Variants in ENOX2 observed in about 807,000 individuals in gnomAD.
ENOX2 encodes the protein APK1 antigen.
ENOX2 carries 36 observed loss-of-function variants against 45.0 expected under a neutral mutation model. That is an observed-to-expected ratio of 0.80 (90% CI 0.61 to 1.06). ENOX2 has a LOEUF of 1.06. ENOX2 is among the 50% of genes least tolerant of loss of function. The pLI, the probability that ENOX2 is intolerant of heterozygous loss-of-function variation, is 0.00. For synonymous variants in ENOX2, 174 were observed against 152.3 expected (o/e 1.14, Z -1.05); for missense variants, 423 against 462.5 (o/e 0.91, Z 0.78).
chrX:130,892,478 A>G (rs986839295), intron 2 of ENOX2, among the ~76,000 whole-genome samples: 1 of 111,991 alleles, frequency 8.9e-6, no homozygotes, highest in East Asian at 2.8e-4. Flanking sequence ...CTTTCCCCCA[A>G]TTCTTCAAGC....
chrX:130,779,403 T>C (rs2039924811), intron 3 of ENOX2, among the ~76,000 whole-genome samples: 1 of 112,252 alleles, frequency 8.9e-6, no homozygotes, highest in Non-Finnish European at 1.9e-5. Context: ...GTCTACTTCA[T>C]AGTTGAGGCA....
intron 10 of ENOX2, among the ~76,000 whole-genome samples, chrX:130,643,703 G>A (rs910871400): frequency 4.5e-5 from 5 of 111,881 alleles, no homozygotes; most frequent in Non-Finnish European, 9.4e-5. Context: ...TAACTGATAC[G>A]ACTGCAAGGA....
intron 2 of ENOX2, among the ~76,000 whole-genome samples, chrX:130,873,943 A>G (rs2078648713): frequency 9.0e-6 from 1 of 111,048 alleles, no homozygotes; most frequent in Non-Finnish European, 1.9e-5. Flanking sequence ...TACCTAATGT[A>G]GATGATGGAT....
At chrX:130,843,310 C>A (rs1299765211) in intron 2 of ENOX2, among the ~76,000 whole-genome samples, 1 of 111,341 alleles carries the variant, frequency 9.0e-6, no homozygotes, top group Non-Finnish European at 1.9e-5. Context: ...TCCTATCTCA[C>A]ATGTGAACCT....
rs184499286 is a variant in ENOX2 at position 130,861,434 on chromosome X, T to A, written c.-183+40250A>T. ...CCAACCACACCCTAGAACAATTATC[T>A]AGTCTTAAAAAGAAGGGAATCCCGG... On this transcript the variant is annotated intron_variant, in intron 2 of 14. Coordinates refer to ENST00000394363, the MANE Select transcript of ENOX2 (RefSeq NM_006375.4). Among the ~76,000 whole-genome samples, 748 of 111,463 alleles carry A rather than the reference T, an allele frequency of 6.7e-3. 9 individuals are homozygous for A. The highest frequency in any genetic ancestry group is 0.023 in the African/African-American group (701 of 30,686).
Position 130,822,311 on chromosome X carries a change from C to A in ENOX2, c.-182-38621G>T, listed in dbSNP as rs149711985. Among the ~76,000 whole-genome samples, 740 of 111,716 alleles carry A rather than the reference C, an allele frequency of 6.6e-3. 6 individuals carry two copies. Among genetic ancestry groups the A allele is most frequent in the African/African-American group, 0.023 (708 of 30,768 alleles). On this transcript the variant is annotated intron_variant, in intron 2 of 14. Coordinates refer to ENST00000394363, the MANE Select transcript of ENOX2 (RefSeq NM_006375.4). ...CTTCACAATAGTGCGAAAGCAACAT[C>A]GTTCAATAGAAATACTACTTCAAAT...
intron 2 of ENOX2, among the ~76,000 whole-genome samples, chrX:130,792,532 C>T (rs1017908670): frequency 2.7e-5 from 3 of 112,538 alleles, no homozygotes; most frequent in South Asian, 7.4e-4. Context: ...CAGTGGCTCA[C>T]GCCTGTAATC....
intron 2 of ENOX2, among the ~76,000 whole-genome samples, chrX:130,801,645 T>C (rs1342120721): frequency 1.8e-5 from 2 of 112,408 alleles, no homozygotes; most frequent in Non-Finnish European, 3.7e-5. Context: ...TTTTCAGTTT[T>C]ATTTTCTATA....
intron 12 of ENOX2, among the ~76,000 whole-genome samples, chrX:130,632,369 G>GT (rs1556405755): frequency 2.1e-5 from 1 of 47,252 alleles, no homozygotes; most frequent in Non-Finnish European, 3.9e-5. Context: ...AGGGGCGGGG[G>GT]GGGGGGGTGG....
In ENOX2 at chrX:130,674,684, T is replaced by C. The variant is rs764324123; in HGVS notation, c.461-4486A>G. ...GCACATTGTGCAGGTTAGTCACATA[T>C]GTATACATGTGCCATGCTGGTGCGC... On this transcript the variant is annotated intron_variant, in intron 6 of 14. Coordinates refer to ENST00000394363, the MANE Select transcript of ENOX2 (RefSeq NM_006375.4). 8.1e-3 allele frequency among the ~76,000 whole-genome samples: 886 copies of C among 109,791 alleles called. 12 individuals carry two copies. Among genetic ancestry groups the C allele is most frequent in the African/African-American group, 0.028 (840 of 30,058 alleles).
In ENOX2 at chrX:130,900,337, T is replaced by C. The variant is rs185500995; in HGVS notation, c.-183+1347A>G. 4.2e-4 allele frequency among the ~76,000 whole-genome samples: 47 copies of C among 112,739 alleles called. 1 individual carries two copies. Among genetic ancestry groups the C allele is most frequent in the Admixed American group, 3.4e-3 (36 of 10,719 alleles). On this transcript the variant is annotated intron_variant, in intron 2 of 14. Transcript: ENST00000394363. Reference sequence around the variant, plus strand: ...GATGGCTTAGTTCAGTTTTATGTTTTTTAAGACATATTTGAACATGTAACT... The same window carrying C: ...GATGGCTTAGTTCAGTTTTATGTTTCTTAAGACATATTTGAACATGTAACT...
In ENOX2 at chrX:130,753,150, T is replaced by C. The variant is rs2039268454; in HGVS notation, c.-39+30397A>G. Among the ~76,000 whole-genome samples, 3 of 111,255 alleles carry C rather than the reference T, an allele frequency of 2.7e-5. No individual in the cohort carries two copies. In the South Asian group the frequency reaches 1.1e-3, roughly 42 times the overall value. The stretch of plus-strand genomic sequence containing the variant: ...TCTTTCTCACTCAGTTTCTCTCTCC[T>C]TCTGTCTCTCTTTAGTTCTTTAGCT... On this transcript the variant is annotated intron_variant, in intron 3 of 14. Transcript: ENST00000394363.
chrX:130,746,601 C>T (rs2039102478), intron 3 of ENOX2, among the ~76,000 whole-genome samples: 1 of 111,492 alleles, frequency 9.0e-6, no homozygotes, highest in Admixed American at 9.5e-5. Flanking sequence ...CCTAGGGTCC[C>T]CATTTTCCTC....
chrX:130,680,252 CAAT>C (rs1190441978), intron 5 of ENOX2, among the ~76,000 whole-genome samples: 2 of 111,875 alleles, frequency 1.8e-5, no homozygotes, highest in African/African-American at 6.5e-5. Flanking sequence ...CTACTTACAA[CAAT>C]GCCTACAGCT....
chrX:130,814,434 C>T (rs1455955090), intron 2 of ENOX2, among the ~76,000 whole-genome samples: 1 of 112,159 alleles, frequency 8.9e-6, no homozygotes, highest in East Asian at 2.8e-4. Flanking sequence ...CCCTGACCTC[C>T]TTGCCTCCTG....
At chrX:130,628,106 A>G in intron 13 of ENOX2, 63 bp from the exon 14 acceptor site, 1 of 758,798 alleles carries the variant, frequency 1.3e-6, no homozygotes, top group South Asian at 2.1e-5. Flanking sequence ...TCCACATGAC[A>G]GTGAATAGCA....
chrX:130,849,997 T>C (rs1479198860), intron 2 of ENOX2, among the ~76,000 whole-genome samples: 2 of 111,829 alleles, frequency 1.8e-5, no homozygotes, highest in Non-Finnish European at 3.8e-5. Context: ...ATGGATCCTG[T>C]GAACACAGTT....
chrX:130,731,580 T>C (rs1019452981), intron 3 of ENOX2, among the ~76,000 whole-genome samples: 1 of 112,031 alleles, frequency 8.9e-6, no homozygotes, highest in South Asian at 3.7e-4. Flanking sequence ...CCCTGAAGAA[T>C]ACAGATGCAA....
intron 2 of ENOX2, among the ~76,000 whole-genome samples, chrX:130,839,263 A>G (rs1569507737): frequency 9.0e-6 from 1 of 111,599 alleles, no homozygotes. Context: ...ATCAAGCCCT[A>G]TCTATGCCAC....
Sources: gnomAD v4.1 joint callset for allele counts (sites outside exome capture counted in the v4.1 genomes callset) on GRCh38, gnomAD v4.1.1 for gene constraint, MANE v1.5 for transcripts, NCBI Gene and HGNC (gene_info 2026-07-23, HGNC 2026-07-21) for gene names.